Variants in SV2B observed in about 807,000 individuals in gnomAD.
The protein encoded by SV2B is solute carrier family 22 member B2.
In SV2B, 41 loss-of-function variants were observed where a neutral mutation model predicts 73.9. The observed-to-expected ratio is 0.56, with a 90% CI of 0.43 to 0.72. SV2B has a LOEUF of 0.72. Among genes scored for constraint, SV2B ranks in the 30% least tolerant of loss-of-function variants. The pLI, the probability that SV2B is intolerant of heterozygous loss-of-function variation, is 0.00. For synonymous variants in SV2B, 314 were observed against 314.2 expected, an observed-to-expected ratio of 1.00 and a Z score of 0.01; for missense variants, 764 against 857.8, an observed-to-expected ratio of 0.89 and a Z score of 1.37.
chr15:91,218,801 G>A (rs1300318691), intron 1 of SV2B, among the ~76,000 whole-genome samples: 3 of 152,064 alleles, frequency 2.0e-5, no homozygotes, highest in African/African-American at 7.2e-5. Flanking sequence ...AGATGCTACC[G>A]ACTCCTGCTA....
Position 91,252,575 on chromosome 15 carries a change from C to A in SV2B, c.784+55C>A. 1.3e-6 allele frequency: 2 copies of A among 1,514,984 alleles called. No homozygotes were observed. Among genetic ancestry groups the A allele is most frequent in the African/African-American group, 1.4e-5 (1 of 71,650 alleles). 93.8% of individuals were successfully genotyped at this position (1,514,984 alleles called of 1,614,324 possible). ...GCCCTGTTTCTATGGCTCCTGCACC[C>A]AAACAATAGTTCCTGTCCTCAGCCT... On this transcript the variant is annotated intron_variant, in intron 4 of 12. Coordinates refer to ENST00000394232, the MANE Select transcript of SV2B (RefSeq NM_001323032.3). The surrounding 1 kb of genome is among the most constrained non-coding windows in gnomAD (Gnocchi z 4.6).
At position 91,224,610 on chromosome 15, in the gene SV2B, G is replaced by A. The variant is rs1345119597; in HGVS notation, c.-391-1263G>A. On this transcript the variant is annotated intron_variant, in intron 1 of 12. Coordinates refer to ENST00000394232, the MANE Select transcript of SV2B (RefSeq NM_001323032.3). This position sits in a 1 kb window ranked among gnomAD's most constrained non-coding sequence, Gnocchi z 4.9. ...CCTCGGGGTAGCATCTGGGAAGTAT[G>A]AGGACATTGGAACGAGCTGGCTTTG... Among the ~76,000 whole-genome samples the A allele has an allele frequency of 6.6e-6, 1 of 152,236 alleles. No homozygotes were observed.
At chr15:91,255,595 A>G (rs2047658247) in intron 4 of SV2B, among the ~76,000 whole-genome samples, 1 of 152,134 alleles carries the variant, frequency 6.6e-6, no homozygotes, top group Admixed American at 6.5e-5. Context: ...ACCAAACACC[A>G]CCTGTTCCCC....
Position 91,284,352 on chromosome 15 carries a change from C to A in SV2B, c.1708+131C>A. ...ACAAACCCAACAAGTAAGATTGCAC[C>A]CAGGGCTATAGAGCCAAGGATGTGT... is the stretch of plus-strand genomic sequence containing the variant. On this transcript the variant is annotated intron_variant, in intron 11 of 12. Coordinates refer to ENST00000394232, the MANE Select transcript of SV2B (RefSeq NM_001323032.3). The surrounding 1 kb of genome is among the most constrained non-coding windows in gnomAD (Gnocchi z 4.5). 9.8e-7 allele frequency: 1 copy of A among 1,018,760 alleles called. No homozygotes were observed. The highest frequency in any genetic ancestry group is 1.4e-6 in the Non-Finnish European group (1 of 702,700). 63.1% of individuals were successfully genotyped at this position (1,018,760 alleles called of 1,614,324 possible).
At chr15:91,249,091 CACACACACACACACACAT>C in intron 2 of SV2B, among the ~76,000 whole-genome samples, 1 of 148,970 alleles carries the variant, frequency 6.7e-6, no homozygotes, top group Non-Finnish European at 1.5e-5. Context: ...CACACACACA[CACACACACACACACACAT>C]GTTTATGATC....
chr15:91,162,290 A>C (rs1176922371), intron 1 of SV2B, among the ~76,000 whole-genome samples: 2 of 152,198 alleles, frequency 1.3e-5, no homozygotes, highest in Non-Finnish European at 2.9e-5. Flanking sequence ...CAATTGCATA[A>C]AGATGTTTGT....
rs1385719073 is a variant in SV2B at position 91,132,686 on chromosome 15, C to T, written c.-392+32323C>T. Among the ~76,000 whole-genome samples, 1 of 151,910 alleles carries T rather than the reference C, an allele frequency of 6.6e-6. No homozygotes were observed. The highest frequency in any genetic ancestry group is 1.9e-4 in the East Asian group (1 of 5,180). Reference sequence around the variant, plus strand: ...ACATTTAGGTTTTTTGCCTCCAGACCCTATTTCTCCTGCCTCAGTGGCACA... The same window carrying T: ...ACATTTAGGTTTTTTGCCTCCAGACTCTATTTCTCCTGCCTCAGTGGCACA... On this transcript the variant is annotated intron_variant, in intron 1 of 12. Transcript: ENST00000394232. The surrounding 1 kb of genome is among the most constrained non-coding windows in gnomAD (Gnocchi z 4.6).
chr15:91,249,885 G>A (rs376656171), intron 2 of SV2B, among the ~76,000 whole-genome samples: 53 of 152,288 alleles, frequency 3.5e-4, no homozygotes, highest in East Asian at 2.9e-3. Flanking sequence ...ACCTCTCGAC[G>A]AAGAAAAGCC....
intron 1 of SV2B, among the ~76,000 whole-genome samples, chr15:91,213,837 G>A (rs1249793939): frequency 6.6e-6 from 1 of 152,276 alleles, no homozygotes; most frequent in South Asian, 2.1e-4. Flanking sequence ...CTGAACCTGA[G>A]TCTTGTTTTC....
At chr15:91,152,841 C>A (rs1596483717) in intron 1 of SV2B, among the ~76,000 whole-genome samples, 2 of 152,306 alleles carry the variant, frequency 1.3e-5, no homozygotes, top group East Asian at 1.9e-4. Context: ...AAAGAGGAGA[C>A]TCATACCATG....
chr15:91,178,286 C>T (rs1477768941), intron 1 of SV2B, among the ~76,000 whole-genome samples: 13 of 150,506 alleles, frequency 8.6e-5, no homozygotes, highest in Middle Eastern at 3.4e-3. Context: ...CTGCTGGATT[C>T]GGTTTGCCAG....
Position 91,239,297 on chromosome 15 carries a change from A to G in SV2B, c.452-12522A>G, listed in dbSNP as rs1359063699. 6.6e-6 allele frequency among the ~76,000 whole-genome samples: 1 copy of G among 151,820 alleles called. No homozygotes were observed. Among genetic ancestry groups the G allele is most frequent in the East Asian group, 1.9e-4 (1 of 5,162 alleles). ...TCTCTGCTGGGGATGTGCAGAAAAT[A>G]GTCCAAAGAAGTTTTGTCCTTGCCT... On this transcript the variant is annotated intron_variant, in intron 2 of 12. Coordinates refer to ENST00000394232, the MANE Select transcript of SV2B (RefSeq NM_001323032.3). This position sits in a 1 kb window ranked among gnomAD's most constrained non-coding sequence, Gnocchi z 5.1.
Position 91,223,188 on chromosome 15 carries a change from T to A in SV2B, c.-391-2685T>A, listed in dbSNP as rs1425999932. Among the ~76,000 whole-genome samples the A allele has an allele frequency of 6.6e-6, 1 of 152,252 alleles. No individual in the cohort carries two copies. Among genetic ancestry groups the A allele is most frequent in the East Asian group, 1.9e-4 (1 of 5,206 alleles). ...CATATTGGATTAGGAGCCATCCGAA[T>A]GATCTCATCTTAACTTGATTACCTC... On this transcript the variant is annotated intron_variant, in intron 1 of 12. Transcript: ENST00000394232. This position sits in a 1 kb window ranked among gnomAD's most constrained non-coding sequence, Gnocchi z 4.6.
At position 91,130,907 on chromosome 15, in the gene SV2B, G is replaced by A. The variant is rs139379418; in HGVS notation, c.-392+30544G>A. ...ATGAGAGTGTGAGGAGAAGGAACTT[G>A]AAGATGCAAAAGGAGGAGATGGTTG... On this transcript the variant is annotated intron_variant, in intron 1 of 12. Transcript: ENST00000394232. This position sits in a 1 kb window ranked among gnomAD's most constrained non-coding sequence, Gnocchi z 5.6. Among the ~76,000 whole-genome samples, 146 of 152,200 alleles carry A rather than the reference G, an allele frequency of 9.6e-4. No homozygotes were observed. The highest frequency in any genetic ancestry group is 3.5e-3 in the African/African-American group (144 of 41,528).
Position 91,297,731 on chromosome 15 carries a change from C to T in SV2B, c.*5179C>T, listed in dbSNP as rs1485895223. The stretch of plus-strand genomic sequence containing the variant: ...ACTAGCAGCCTGTGAAAAATGATCA[C>T]CATTTTCCTAGAGCTCCGAGACAAC... On this transcript the variant is annotated 3_prime_UTR_variant, in exon 13 of 13. Coordinates refer to ENST00000394232, the MANE Select transcript of SV2B (RefSeq NM_001323032.3). This position sits in a 1 kb window ranked among gnomAD's most constrained non-coding sequence, Gnocchi z 5.1. 1 of 152,160 alleles carries T rather than the reference C, an allele frequency of 6.6e-6. No individual in the cohort carries two copies. The highest frequency in any genetic ancestry group is 1.9e-4 in the East Asian group (1 of 5,192). The allele number at this position is 152,160 out of a possible 1,614,324, so 9.4% of individuals were successfully genotyped here. A position where few individuals can be genotyped will look rare whatever the true frequency, so the allele number is the denominator to read the frequency against.
At position 91,229,698 on chromosome 15, in the gene SV2B, C is replaced by G. The variant is rs1567368204; in HGVS notation, c.451+2984C>G. 6.6e-6 allele frequency among the ~76,000 whole-genome samples: 1 copy of G among 152,100 alleles called. No individual in the cohort carries two copies. Among genetic ancestry groups the G allele is most frequent in the African/African-American group, 2.4e-5 (1 of 41,412 alleles). ...TAACATGACTAAAACAGTACCTGCC[C>G]CTAATCAGTGCTCAAGATATCTTAG... On this transcript the variant is annotated intron_variant, in intron 2 of 12. Coordinates refer to ENST00000394232, the MANE Select transcript of SV2B (RefSeq NM_001323032.3). This position sits in a 1 kb window ranked among gnomAD's most constrained non-coding sequence, Gnocchi z 4.3.
intron 1 of SV2B, among the ~76,000 whole-genome samples, chr15:91,144,833 C>T (rs138758416): frequency 4.8e-4 from 73 of 151,598 alleles, no homozygotes; most frequent in African/African-American, 1.6e-3. Context: ...CTATTTCTGC[C>T]GTGTTAATTA....
intron 4 of SV2B, among the ~76,000 whole-genome samples, chr15:91,257,900 G>A (rs575028756): frequency 1.3e-5 from 2 of 152,170 alleles, no homozygotes; most frequent in African/African-American, 2.4e-5. Flanking sequence ...GTGTGTCCAC[G>A]CATGTCTGCA....
Position 91,251,804 on chromosome 15 carries a change from T to TC in SV2B, c.452-10dup, listed in dbSNP as rs2047492373. The TC allele has an allele frequency of 1.2e-6, 2 of 1,612,666 alleles. No homozygotes were observed. The highest frequency in any genetic ancestry group is 2.2e-5 in the South Asian group (2 of 90,960). On this transcript the variant is annotated splice_polypyrimidine_tract_variant and intron_variant, in intron 2 of 12. Transcript: ENST00000394232. ...CTTTTCTCTCTATTCTCTCCTCTCC[T>TC]CCCCCTCATTGCAGGGATGATAGTC...
Sources: gnomAD v4.1 joint callset for allele counts (sites outside exome capture counted in the v4.1 genomes callset) on GRCh38, gnomAD v4.1.1 for gene constraint, Gnocchi (gnomAD v3.1) non-coding constraint, MANE v1.5 for transcripts, NCBI Gene and HGNC (gene_info 2026-07-23, HGNC 2026-07-21) for gene names.